EXOC6B: variants seen among roughly 807,000 people sequenced by gnomAD.
The protein encoded by EXOC6B is exocyst complex component 6B, also known as SEC15 homolog B.
In EXOC6B, 54 loss-of-function variants were observed where a neutral mutation model predicts 113.5. The ratio of observed to expected loss-of-function variants is 0.48; its 90% CI spans 0.38 to 0.60. The LOEUF (loss-of-function observed/expected upper bound fraction) is 0.60, where lower values mean the gene tolerates loss of function less well. EXOC6B is among the 20% of genes least tolerant of loss of function. EXOC6B has a pLI of 0.00. For missense variants in EXOC6B, 797 were observed against 977.5 expected, an observed-to-expected ratio of 0.82 and a Z score of 2.46; for synonymous variants, 357 against 339.0, an observed-to-expected ratio of 1.05 and a Z score of -0.58.
intron 18 of EXOC6B, among the ~76,000 whole-genome samples, chr2:72,435,932 C>T (rs950612946): frequency 2.0e-5 from 3 of 152,060 alleles, no homozygotes; most frequent in Admixed American, 6.6e-5. Context: ...GAATTTGATC[C>T]TGTCATTATG....
chr2:72,785,821 C>G (rs1684344251), intron 1 of EXOC6B, among the ~76,000 whole-genome samples: 1 of 152,252 alleles, frequency 6.6e-6, no homozygotes, highest in Non-Finnish European at 1.5e-5. Context: ...GATACTTATC[C>G]AAATTTCTGC....
In EXOC6B at chr2:72,575,586, T is replaced by C. The variant is rs1318917517; in HGVS notation, c.752A>G (p.Tyr251Cys). 1.2e-6 allele frequency: 2 copies of C among 1,610,926 alleles called. No homozygotes were observed. Among genetic ancestry groups the C allele is most frequent in the Non-Finnish European group, 1.7e-6 (2 of 1,178,694 alleles). The change falls in exon 7 of 22, where the codon TAT becomes TGT. Residue 251 changes from tyrosine (Y) to cysteine (C), a missense_variant. By Grantham distance (194) the Tyr-to-Cys change is radical. Coordinates refer to ENST00000272427, the MANE Select transcript of EXOC6B (RefSeq NM_015189.3). ...GSKRKSKKDA[Y>C]IIFDTEIEST... ...TTCTATCTCTGTATCAAAGATTATA[T>C]ATGCATCTTTCTTAGATTTCCTCTT...
intron 2 of EXOC6B, among the ~76,000 whole-genome samples, chr2:72,737,833 C>G (rs1681061690): frequency 6.6e-6 from 1 of 152,010 alleles, no homozygotes; most frequent in African/African-American, 2.4e-5. Context: ...GCCTAGGCAA[C>G]AGAGCAAGAC....
intron 20 of EXOC6B, among the ~76,000 whole-genome samples, chr2:72,275,295 C>A (rs1227673114): frequency 6.6e-6 from 1 of 152,134 alleles, no homozygotes; most frequent in Non-Finnish European, 1.5e-5. Flanking sequence ...GTTTTACCTA[C>A]CTCATTTTGA....
intron 20 of EXOC6B, among the ~76,000 whole-genome samples, chr2:72,275,012 A>G (rs1684727147): frequency 6.6e-6 from 1 of 152,100 alleles, no homozygotes. Flanking sequence ...GATGAGATGG[A>G]TTTTTTTGCC....
chr2:72,379,129 T>G (rs1040830455), intron 19 of EXOC6B, among the ~76,000 whole-genome samples: 2 of 152,138 alleles, frequency 1.3e-5, no homozygotes, highest in African/African-American at 4.8e-5. Flanking sequence ...TACATGAGAA[T>G]GAAGAGTTCA....
chr2:72,213,965 G>A (rs922575899), intron 20 of EXOC6B, among the ~76,000 whole-genome samples: 3 of 152,024 alleles, frequency 2.0e-5, no homozygotes, highest in Admixed American at 1.3e-4. Flanking sequence ...CTAAAACAAC[G>A]GGAAATTGGT....
At chr2:72,423,620 T>C (rs766371463) in intron 18 of EXOC6B, among the ~76,000 whole-genome samples, 5 of 152,338 alleles carry the variant, frequency 3.3e-5, no homozygotes, top group Non-Finnish European at 4.4e-5. Context: ...ACATAACTGC[T>C]TTAGCTACCA....
intron 1 of EXOC6B, among the ~76,000 whole-genome samples, chr2:72,794,521 C>T (rs955740844): frequency 6.6e-6 from 1 of 152,138 alleles, no homozygotes; most frequent in Non-Finnish European, 1.5e-5. Context: ...TAATCGGTTC[C>T]TACCACTTTA....
rs112025131 is a variant in EXOC6B, at chr2:72,587,877, T to A, written c.670-12209A>T. Among the ~76,000 whole-genome samples, 803 of 150,028 alleles carry A rather than the reference T, an allele frequency of 5.4e-3. 14 individuals carry two copies. Among genetic ancestry groups the A allele is most frequent in the African/African-American group, 0.018 (741 of 41,068 alleles). On this transcript the variant is annotated intron_variant, in intron 6 of 21. Transcript: ENST00000272427. ...CCAATCTTTTTAATGGGCAAAATAG[T>A]TGAATAGACATTTCTTGAAAGAATA...
chr2:72,825,708 C>A lies in EXOC6B; in HGVS notation c.113+90G>T. The A allele has an allele frequency of 1.4e-6, 2 of 1,400,326 alleles. No homozygotes were observed. The highest frequency in any genetic ancestry group is 1.9e-6 in the Non-Finnish European group (2 of 1,066,746). The allele number at this position is 1,400,326 out of a possible 1,614,324, so 86.7% of individuals were successfully genotyped here. The stretch of plus-strand genomic sequence containing the variant: ...TCCGAAGGGAGGGGCCGGCGCCGGA[C>A]CTGGGGACAGCCGGCCGGAGGCCCG... On this transcript the variant is annotated intron_variant, in intron 1 of 21. Transcript: ENST00000272427. The surrounding 1 kb of genome is among the most constrained non-coding windows in gnomAD (Gnocchi z 4.4).
intron 1 of EXOC6B, among the ~76,000 whole-genome samples, chr2:72,755,363 T>C (rs572417225): frequency 3.9e-5 from 6 of 152,176 alleles, no homozygotes; most frequent in Non-Finnish European, 7.3e-5. Flanking sequence ...CTCTATACAG[T>C]AATGATTTAT....
At chr2:72,368,418 C>CA (rs1352307087) in intron 19 of EXOC6B, among the ~76,000 whole-genome samples, 1 of 151,948 alleles carries the variant, frequency 6.6e-6, no homozygotes, top group East Asian at 1.9e-4. Context: ...GATTCACAGC[C>CA]AAATTCTACC....
chr2:72,473,516 G>T (rs1031550514), intron 17 of EXOC6B, among the ~76,000 whole-genome samples: 1 of 151,838 alleles, frequency 6.6e-6, no homozygotes, highest in African/African-American at 2.4e-5. Flanking sequence ...GTTAACATTT[G>T]CATGGAATAT....
intron 17 of EXOC6B, among the ~76,000 whole-genome samples, chr2:72,469,846 C>T (rs534191587): frequency 4.6e-5 from 7 of 151,972 alleles, no homozygotes; most frequent in South Asian, 2.1e-4. Context: ...TAGAAGTGTT[C>T]CAGAAATTTT....
chr2:72,665,093 G>A (rs536051041), intron 6 of EXOC6B, among the ~76,000 whole-genome samples: 6 of 152,152 alleles, frequency 3.9e-5, no homozygotes, highest in South Asian at 2.1e-4. Context: ...CCGCAGGGCC[G>A]GTCTGGGAAG....
At chr2:72,205,658 T>C (rs1006919170) in intron 20 of EXOC6B, among the ~76,000 whole-genome samples, 3 of 152,208 alleles carry the variant, frequency 2.0e-5, no homozygotes, top group Non-Finnish European at 2.9e-5. Flanking sequence ...GTTTCTATAG[T>C]TGGCAAGGCC....
intron 11 of EXOC6B, among the ~76,000 whole-genome samples, chr2:72,511,308 C>T (rs188721183): frequency 3.4e-4 from 52 of 152,174 alleles, no homozygotes; most frequent in Admixed American, 1.4e-3. Context: ...ATCATCTCCC[C>T]GCTCCAAACT....
At chr2:72,487,018 C>T (rs996604334) in intron 16 of EXOC6B, among the ~76,000 whole-genome samples, 1 of 152,090 alleles carries the variant, frequency 6.6e-6, no homozygotes, top group Non-Finnish European at 1.5e-5. Context: ...TTTTTATTTA[C>T]ATAAACTCTT....
Sources: gnomAD v4.1 joint callset for allele counts (sites outside exome capture counted in the v4.1 genomes callset) on GRCh38, gnomAD v4.1.1 for gene constraint, Gnocchi (gnomAD v3.1) non-coding constraint, MANE v1.5 for transcripts, NCBI Gene and HGNC (gene_info 2026-07-23, HGNC 2026-07-21) for gene names.